Variants in VPS53 observed in about 807,000 individuals in gnomAD.
VPS53 encodes VPS53 subunit of GARP complex, also known as vacuolar protein sorting-associated protein 53 homolog.
In VPS53, 70 loss-of-function variants were observed where a neutral mutation model predicts 107.0. The ratio of observed to expected loss-of-function variants is 0.65; its 90% CI spans 0.54 to 0.80. The LOEUF (loss-of-function observed/expected upper bound fraction) is 0.80, where lower values mean the gene tolerates loss of function less well. Among genes scored for constraint, VPS53 ranks in the 30% least tolerant of loss-of-function variants. VPS53 has a pLI of 0.00. For synonymous variants in VPS53, 409 were observed against 393.3 expected, an observed-to-expected ratio of 1.04 and a Z score of -0.47; for missense variants, 917 against 1,049.4, an observed-to-expected ratio of 0.87 and a Z score of 1.74.
intron 2 of VPS53, among the ~76,000 whole-genome samples, chr17:702,113 G>C (rs933833624): frequency 3.9e-5 from 6 of 152,168 alleles, no homozygotes; most frequent in Admixed American, 1.3e-4. Context: ...TGTCCTTTGG[G>C]AGGCTGAGGT....
chr17:683,741 T>A (rs1972485697), intron 4 of VPS53, among the ~76,000 whole-genome samples: 1 of 152,218 alleles, frequency 6.6e-6, no homozygotes, highest in Admixed American at 6.5e-5. Flanking sequence ...CACACGCCAA[T>A]AGCCTCCGGC....
At chr17:534,917 CAAAAAAAAA>C (rs11376185) in intron 18 of VPS53, among the ~76,000 whole-genome samples, 2 of 121,914 alleles carry the variant, frequency 1.6e-5, no homozygotes, top group African/African-American at 6.4e-5. Flanking sequence ...GACCCTGTAT[CAAAAAAAAA>C]AAAAAAAACC....
intron 12 of VPS53, among the ~76,000 whole-genome samples, chr17:590,948 G>A (rs917647148): frequency 9.1e-4 from 138 of 152,072 alleles, no homozygotes; most frequent in Non-Finnish European, 1.4e-3. Context: ...GTTTCAGAAG[G>A]AATGGTACCA....
At chr17:676,426 T>C (rs868634412) in intron 4 of VPS53, 28 of 152,222 alleles carry the variant, frequency 1.8e-4, no homozygotes, top group Admixed American at 1.6e-3. Flanking sequence ...AAACTGAGGA[T>C]GGAATTTTCC....
intron 4 of VPS53, among the ~76,000 whole-genome samples, chr17:664,072 GGAGTAA>G (rs1351350400): frequency 6.6e-6 from 1 of 151,884 alleles, no homozygotes. Flanking sequence ...TTGTAGATTT[GGAGTAA>G]GATGATTTTT....
At chr17:593,968 A>G (rs1397727403) in intron 12 of VPS53, among the ~76,000 whole-genome samples, 1 of 152,276 alleles carries the variant, frequency 6.6e-6, no homozygotes, top group Non-Finnish European at 1.5e-5. Flanking sequence ...ACCATGGAAT[A>G]CTACACAGCC....
At chr17:619,420 C>T (rs1322619104) in intron 11 of VPS53, among the ~76,000 whole-genome samples, 25 of 140,938 alleles carry the variant, frequency 1.8e-4, no homozygotes, top group East Asian at 8.9e-4. Flanking sequence ...TACAGGCGTG[C>T]ACCACCACAC....
Position 578,483 on chromosome 17 carries a change from G to A in VPS53, c.1313+7787C>T, listed in dbSNP as rs553475017. Among the ~76,000 whole-genome samples the A allele has an allele frequency of 2.0e-5, 3 of 149,288 alleles. No homozygotes were observed. In the East Asian group the frequency reaches 5.9e-4, roughly 29 times the overall value. ...ATTCCTTCCCAGAGAACCTCTCTCA[G>A]AACCTAATGCATTCCTAGAGAACTT... On this transcript the variant is annotated intron_variant, in intron 13 of 21. Transcript: ENST00000437048.
intron 17 of VPS53, 42 bp from the exon 18 acceptor site, chr17:537,218 G>T: frequency 1.2e-6 from 2 of 1,605,582 alleles, no homozygotes; most frequent in South Asian, 2.2e-5. Context: ...CCTCGCAGGA[G>T]AACGGTGTCG....
At chr17:571,487 T>TCTCCCTCTCCC (rs1555554562) in intron 13 of VPS53, among the ~76,000 whole-genome samples, 5 of 119,726 alleles carry the variant, frequency 4.2e-5, no homozygotes, top group Non-Finnish European at 9.8e-5. Flanking sequence ...CTCCCTCTCC[T>TCTCCCTCTCCC]TCTCCCTCTC....
In VPS53 at chr17:519,009, T is replaced by C. The variant is rs1908514414; in HGVS notation, c.*119A>G. 8.9e-7 allele frequency: 1 copy of C among 1,121,438 alleles called. No homozygotes were observed. Among genetic ancestry groups the C allele is most frequent in the Admixed American group, 3.2e-5 (1 of 31,396 alleles). 69.5% of individuals were successfully genotyped at this position (1,121,438 alleles called of 1,614,324 possible). On this transcript the variant is annotated 3_prime_UTR_variant, in exon 22 of 22. Transcript: ENST00000437048. This position sits in a 1 kb window ranked among gnomAD's most constrained non-coding sequence, Gnocchi z 5.0. ...GAGAGACTCAGTAACAACCCACATG[T>C]CCCAGGAAGTTTGAAGACCGACGAT...
chr17:570,894 A>G (rs1360924602), intron 13 of VPS53, among the ~76,000 whole-genome samples: 1 of 152,200 alleles, frequency 6.6e-6, no homozygotes, highest in Non-Finnish European at 1.5e-5. Context: ...GTAATGTTGT[A>G]TCAACGTTAA....
intron 13 of VPS53, among the ~76,000 whole-genome samples, chr17:572,025 C>A: frequency 6.7e-6 from 1 of 149,976 alleles, no homozygotes; most frequent in African/African-American, 2.5e-5. Flanking sequence ...TGTGAGGAGC[C>A]CCTCTGCCTG....
At chr17:549,620 A>G (rs1212381615) in intron 17 of VPS53, among the ~76,000 whole-genome samples, 1 of 152,140 alleles carries the variant, frequency 6.6e-6, no homozygotes, top group East Asian at 1.9e-4. Flanking sequence ...GGTGAATGTG[A>G]AAATTCTTTC....
chr17:581,880 G>C (rs975442705), intron 13 of VPS53, among the ~76,000 whole-genome samples: 1 of 149,408 alleles, frequency 6.7e-6, no homozygotes, highest in African/African-American at 2.5e-5. Flanking sequence ...TACATTCGCA[G>C]ACAACCTCCC....
At chr17:534,893 GGGT>G (rs1567604028) in intron 18 of VPS53, among the ~76,000 whole-genome samples, 1 of 151,478 alleles carries the variant, frequency 6.6e-6, no homozygotes, top group Non-Finnish European at 1.5e-5. Flanking sequence ...ACTCCAGCCT[GGGT>G]AACAGAGTGG....
At chr17:630,744 G>A (rs1275111549) in intron 8 of VPS53, among the ~76,000 whole-genome samples, 3 of 152,194 alleles carry the variant, frequency 2.0e-5, no homozygotes, top group Non-Finnish European at 4.4e-5. Context: ...AATGTTCCTT[G>A]GATCAGTAAA....
intron 11 of VPS53, among the ~76,000 whole-genome samples, chr17:608,236 T>C (rs956816514): frequency 5.3e-5 from 8 of 152,220 alleles, no homozygotes; most frequent in Admixed American, 5.2e-4. Flanking sequence ...GCAACAGTTA[T>C]GTACAGACTT....
At chr17:581,198 T>C (rs567299914) in intron 13 of VPS53, among the ~76,000 whole-genome samples, 1 of 150,656 alleles carries the variant, frequency 6.6e-6, no homozygotes, top group South Asian at 2.1e-4. Flanking sequence ...ACCTAATGCA[T>C]TCCCACAGAT....
Sources: allele counts gnomAD v4.1 joint callset (sites outside exome capture counted in the v4.1 genomes callset), GRCh38; gene constraint gnomAD v4.1.1; non-coding constraint Gnocchi (gnomAD v3.1); transcripts MANE v1.5; gene names NCBI Gene and HGNC (gene_info 2026-07-23, HGNC 2026-07-21).